ITGB3: variants seen among roughly 807,000 people sequenced by gnomAD.
The protein encoded by ITGB3 is integrin beta-3.
In ITGB3, 48 loss-of-function variants were observed where a neutral mutation model predicts 85.8. That is an observed-to-expected ratio of 0.56 (90% CI 0.44 to 0.71). ITGB3 has a LOEUF of 0.71. Ranked by LOEUF, ITGB3 falls within the 30% of genes least tolerant of loss-of-function variation. ITGB3 has a pLI of 0.00. For missense variants in ITGB3, 861 were observed against 1,019.1 expected (o/e 0.84, Z 2.11); for synonymous variants, 363 against 395.6 (o/e 0.92, Z 0.98).
Position 47,283,354 on chromosome 17 carries a change from G to C in ITGB3, c.166G>C (p.Ala56Pro), listed in dbSNP as rs1598689356. Residue 56 changes from alanine to proline, a missense_variant and splice_region_variant, in exon 3 of 15, where the codon GCC (alanine) becomes CCC (proline). Transcript: ENST00000559488. The stretch of plus-strand genomic sequence containing the variant: ...TTCTCTTTGGGCTCCTGTCTTACAG[G>C]CCCTGCCTCTGGGCTCACCTCGCTG... The part of the protein sequence containing the change: ...SPMCAWCSDE[A>P]LPLGSPRCDL... 1 of 1,614,160 alleles carries C rather than the reference G, an allele frequency of 6.2e-7. No individual in the cohort carries two copies. Among genetic ancestry groups the C allele is most frequent in the Non-Finnish European group, 8.5e-7 (1 of 1,180,026 alleles).
chr17:47,296,603 T>C (rs1435108784), intron 10 of ITGB3, among the ~76,000 whole-genome samples: 1 of 152,184 alleles, frequency 6.6e-6, no homozygotes, highest in Non-Finnish European at 1.5e-5. Context: ...GGTTCTCAAC[T>C]GGGAGGAAGG....
intron 6 of ITGB3, among the ~76,000 whole-genome samples, chr17:47,288,179 C>T (rs2065110469): frequency 6.7e-6 from 1 of 150,272 alleles, no homozygotes; most frequent in Non-Finnish European, 1.5e-5. Context: ...TGAGCCATTG[C>T]TCCTAGTGGA....
chr17:47,308,923 C>G (rs72825627), intron 14 of ITGB3, among the ~76,000 whole-genome samples: 11,895 of 151,264 alleles, frequency 0.079, 703 homozygotes, highest in East Asian at 0.22. Flanking sequence ...AGTGCTTTCT[C>G]TTTCTCTCCC....
chr17:47,271,233 G>C (rs2065043267), intron 1 of ITGB3, among the ~76,000 whole-genome samples: 1 of 152,168 alleles, frequency 6.6e-6, no homozygotes, highest in Non-Finnish European at 1.5e-5. Flanking sequence ...ACTCGATTAG[G>C]ATGACAGTCT....
intron 1 of ITGB3, among the ~76,000 whole-genome samples, chr17:47,254,867 C>T (rs2064982760): frequency 6.6e-6 from 1 of 152,168 alleles, no homozygotes; most frequent in Non-Finnish European, 1.5e-5. Context: ...CCGCCTCTGC[C>T]TCAGAGGATG....
rs1259028209 is a variant in ITGB3, at chr17:47,309,304, TG to T, written c.2302-833del. On this transcript the variant is annotated intron_variant, in intron 14 of 14. Coordinates refer to ENST00000559488, the MANE Select transcript of ITGB3 (RefSeq NM_000212.3). ...CTGGGCTCAAGTGATCTTCCTACCT[TG>T]GCCCCTAAAAGTGCTGGGATTATAG... is the stretch of plus-strand genomic sequence containing the variant. Among the ~76,000 whole-genome samples, 3 of 152,000 alleles carry T rather than the reference TG, an allele frequency of 2.0e-5. No homozygotes were observed. The East Asian group carries it at 5.8e-4, about 29-fold the overall frequency.
chr17:47,284,696 G>C lies in ITGB3; in HGVS notation c.614+1G>C, dbSNP rs2065096678. 6.2e-7 allele frequency: 1 copy of C among 1,614,124 alleles called. No individual in the cohort carries two copies. The highest frequency in any genetic ancestry group is 8.5e-7 in the Non-Finnish European group (1 of 1,180,012). On this transcript the variant is annotated splice_donor_variant, in intron 4 of 14. Transcript: ENST00000559488. LOFTEE classifies it high-confidence loss of function. ...AGGCCCTCGAAAACCCCTGCTATGA[G>C]TAAGTCCCTCCTCCAGACGCCAGGA...
chr17:47,303,523 T>C (rs1483721761), intron 13 of ITGB3: 1 of 152,376 alleles, frequency 6.6e-6, no homozygotes, highest in Non-Finnish European at 1.5e-5. Context: ...ACTATTAAAA[T>C]TGAGATGGTT....
intron 2 of ITGB3, among the ~76,000 whole-genome samples, chr17:47,276,664 G>A (rs977364543): frequency 1.3e-5 from 2 of 152,200 alleles, no homozygotes; most frequent in Non-Finnish European, 2.9e-5. Flanking sequence ...GGGAGAGAAG[G>A]AAGGGTGGAG....
intron 13 of ITGB3, among the ~76,000 whole-genome samples, chr17:47,304,454 T>G (rs745541045): frequency 1.3e-5 from 2 of 152,246 alleles, no homozygotes; most frequent in Non-Finnish European, 2.9e-5. Context: ...AATGGGCTCT[T>G]GAGCTGGGCT....
At chr17:47,258,310 G>C (rs1023410903) in intron 1 of ITGB3, among the ~76,000 whole-genome samples, 10 of 152,076 alleles carry the variant, frequency 6.6e-5, no homozygotes, top group African/African-American at 2.4e-4. Flanking sequence ...AAATGACTCT[G>C]TTTAGGGGAA....
intron 13 of ITGB3, among the ~76,000 whole-genome samples, chr17:47,303,966 A>G (rs2143140964): frequency 6.6e-6 from 1 of 151,840 alleles, no homozygotes; most frequent in Admixed American, 6.6e-5. Flanking sequence ...ACCTTGGCTC[A>G]CTGCAGTCTC....
chr17:47,279,738 C>G (rs779828347), intron 2 of ITGB3: 2 of 152,242 alleles, frequency 1.3e-5, no homozygotes, highest in Non-Finnish European at 2.9e-5. Flanking sequence ...TGCTGGGCTC[C>G]GGTCCCTGCT....
At chr17:47,287,349 C>A in intron 6 of ITGB3, 118 bp downstream of exon 6, 2 of 1,185,912 alleles carry the variant, frequency 1.7e-6, no homozygotes, top group Non-Finnish European at 2.5e-6. Context: ...GGGTGCAGGG[C>A]TCGGTTCCAG....
intron 1 of ITGB3, among the ~76,000 whole-genome samples, chr17:47,268,134 GC>G (rs1474685631): frequency 6.6e-6 from 1 of 152,094 alleles, no homozygotes; most frequent in African/African-American, 2.4e-5. Context: ...GGAGGTAACT[GC>G]CCCCATGATT....
chr17:47,303,433 A>G (rs1273811857), intron 13 of ITGB3: 2 of 153,082 alleles, frequency 1.3e-5, no homozygotes, highest in Admixed American at 1.3e-4. Context: ...TGGACAAAAT[A>G]TATCACGCAT....
intron 2 of ITGB3, chr17:47,279,907 T>A (rs1210400356): frequency 1.3e-5 from 2 of 152,194 alleles, no homozygotes; most frequent in Non-Finnish European, 2.9e-5. Context: ...AAAGACTGCT[T>A]CCAGAGGAGG....
chr17:47,263,476 C>T (rs1402961419), intron 1 of ITGB3, among the ~76,000 whole-genome samples: 1 of 68,462 alleles, frequency 1.5e-5, no homozygotes, highest in Admixed American at 1.4e-4. Context: ...CTATTCCCCG[C>T]CCCCCCCACC....
chr17:47,282,400 A>G (rs1375603099), intron 2 of ITGB3, among the ~76,000 whole-genome samples: 1 of 152,210 alleles, frequency 6.6e-6, no homozygotes, highest in South Asian at 2.1e-4. Context: ...TATTCCTCCC[A>G]GTCCCTGGAA....
Sources: allele counts gnomAD v4.1 joint callset (sites outside exome capture counted in the v4.1 genomes callset), GRCh38; gene constraint gnomAD v4.1.1; transcripts MANE v1.5; gene names NCBI Gene and HGNC (gene_info 2026-07-23, HGNC 2026-07-21).